Variants in NBN observed in about 807,000 individuals in gnomAD.
NBN encodes nibrin.
Under a neutral mutation model 90.8 loss-of-function variants are expected in NBN, and 88 were observed. The ratio of observed to expected loss-of-function variants is 0.97; its 90% confidence interval spans 0.82 to 1.16. NBN has a LOEUF of 1.16. Among genes scored for constraint, NBN ranks in the 50% most tolerant of loss-of-function variants. The pLI is 0.00. For missense variants in NBN, 894 were observed against 869.6 expected, an observed-to-expected ratio of 1.03 and a Z score of -0.35; for synonymous variants, 328 against 295.1, an observed-to-expected ratio of 1.11 and a Z score of -1.14.
chr8:89,958,691 T>G, intron 9 of NBN, 34 bp downstream of exon 9: 1 of 1,601,544 alleles, frequency 6.2e-7, no homozygotes, highest in Non-Finnish European at 8.6e-7. Flanking sequence ...ATTGATAGAA[T>G]AATAACAATA....
Position 89,970,556 on chromosome 8 carries a change from T to C in NBN, c.704A>G (p.His235Arg), listed in dbSNP as rs769519885. 2 of 1,613,006 alleles carry C rather than the reference T, an allele frequency of 1.2e-6. No individual in the cohort carries two copies. The highest frequency in any genetic ancestry group is 2.2e-5 in the East Asian group (1 of 44,850). ...GACAACTGCGGAACTCAATTTCTTA[T>C]GCTAAAAATGGAAGGAAACATTTTT... is the stretch of plus-strand genomic sequence containing the variant. ...KTFIFLNAKQ[H>R]KKLSSAVVFG... Residue 235 changes from histidine to arginine, a missense_variant and splice_region_variant, in exon 7 of 16, where the codon CAT becomes CGT. His to Arg is a conservative substitution (Grantham distance 29). Coordinates refer to ENST00000265433, the MANE Select transcript of NBN (RefSeq NM_002485.5).
intron 11 of NBN, among the ~76,000 whole-genome samples, chr8:89,950,316 A>T (rs1810390080): frequency 6.6e-6 from 1 of 152,230 alleles, no homozygotes. Context: ...ACCTAGGCAC[A>T]TCCTCTCATA....
At chr8:89,935,683 T>G in intron 15 of NBN, 71 bp from the exon 16 acceptor site, 2 of 1,572,168 alleles carry the variant, frequency 1.3e-6, no homozygotes, top group South Asian at 2.2e-5. Context: ...GTAAAGAACT[T>G]TCAAACTGTA....
chr8:89,944,266 G>A (rs1810088056), intron 13 of NBN, among the ~76,000 whole-genome samples: 1 of 152,138 alleles, frequency 6.6e-6, no homozygotes. Context: ...CTAACTGGAG[G>A]CAAAACTCCT....
intron 1 of NBN, among the ~76,000 whole-genome samples, chr8:89,983,460 G>T (rs754430607): frequency 2.0e-5 from 3 of 151,378 alleles, no homozygotes; most frequent in Non-Finnish European, 4.4e-5. Flanking sequence ...AGAAAAATGT[G>T]AATAATATAA....
At chr8:89,970,297 C>G (rs1052194423) in intron 7 of NBN, 67 bp downstream of exon 7, 1 of 1,362,042 alleles carries the variant, frequency 7.3e-7, no homozygotes, top group Non-Finnish European at 1.0e-6. Context: ...AGGTGAAAAG[C>G]AACAAAAAAG....
intron 8 of NBN, among the ~76,000 whole-genome samples, chr8:89,963,598 A>G (rs1563547014): frequency 6.6e-6 from 1 of 152,318 alleles, no homozygotes; most frequent in East Asian, 1.9e-4. Flanking sequence ...ATGTGTTTTA[A>G]CTAATAAAGG....
In NBN at chr8:89,934,197, A is replaced by C. The variant is rs1369331389; in HGVS notation, c.*1385T>G. 2 of 231,412 alleles carry C rather than the reference A, an allele frequency of 8.6e-6. No homozygotes were observed. The highest frequency in any genetic ancestry group is 1.7e-5 in the Non-Finnish European group (2 of 117,024). The allele number at this position is 231,412 out of a possible 1,614,324, so 14.3% of individuals were successfully genotyped here. A position where few individuals can be genotyped will look rare whatever the true frequency, so the allele number is the denominator to read the frequency against. On this transcript the variant is annotated 3_prime_UTR_variant, in exon 16 of 16. Coordinates refer to ENST00000265433, the MANE Select transcript of NBN (RefSeq NM_002485.5). The stretch of plus-strand genomic sequence containing the variant: ...ATGATACATGGCTATTAAGAGACTC[A>C]AATGACTCCATTTCATCAACTAATA...
intron 1 of NBN, among the ~76,000 whole-genome samples, chr8:89,983,700 AT>A (rs1812183025): frequency 6.6e-6 from 1 of 152,170 alleles, no homozygotes; most frequent in Non-Finnish European, 1.5e-5. Context: ...AACAGTATAT[AT>A]ATTGGAGACA....
intron 11 of NBN, among the ~76,000 whole-genome samples, chr8:89,950,367 A>G (rs1810391665): frequency 6.6e-6 from 1 of 152,190 alleles, no homozygotes; most frequent in Admixed American, 6.5e-5. Flanking sequence ...TACCTAATAC[A>G]ATGTAAGTGC....
Position 89,980,857 on chromosome 8 carries a change from A to G in NBN, c.357T>C (p.Cys119=), listed in dbSNP as rs2129910339. 1 of 1,612,556 alleles carries G rather than the reference A, an allele frequency of 6.2e-7. No individual in the cohort carries two copies. The highest frequency in any genetic ancestry group is 8.5e-7 in the Non-Finnish European group (1 of 1,178,918). ...AAGCAGTTTTCCCAGAGACATCTAA[A>G]CAAGAAGAGCATGCAACCAAAGGCT... ...EYEPLVACSS[C]LDVSGKTALN... Residue 119 remains cysteine, a synonymous_variant, in exon 4 of 16, where the codon TGT becomes TGC. Transcript: ENST00000265433.
intron 9 of NBN, 86 bp from the exon 10 acceptor site, chr8:89,955,641 C>A: frequency 7.3e-7 from 1 of 1,375,958 alleles, no homozygotes; most frequent in Non-Finnish European, 1.0e-6. Flanking sequence ...ATAGTTCTAA[C>A]GTAATATAAC....
rs1812243844 is a variant in NBN, at chr8:89,984,550, C to T, written c.12G>A (p.Leu4=). 1 of 1,613,182 alleles carries T rather than the reference C, an allele frequency of 6.2e-7. No individual in the cohort carries two copies. Among genetic ancestry groups the T allele is most frequent in the Non-Finnish European group, 8.5e-7 (1 of 1,179,780 alleles). Residue 4 remains leucine, a synonymous_variant, in exon 1 of 16, where the codon CTG becomes CTA. Coordinates refer to ENST00000265433, the MANE Select transcript of NBN (RefSeq NM_002485.5). ...CTCCTGCCGGGCCCGCGGCGGGCAG[C>T]AGTTTCCACATCGGTCCGGCTCCTC... MWK[L]LPAAGPAGGE...
chr8:89,952,260 A>G (rs1810477784), intron 11 of NBN, among the ~76,000 whole-genome samples: 1 of 152,204 alleles, frequency 6.6e-6, no homozygotes, highest in South Asian at 2.1e-4. Context: ...CAATGAGGGA[A>G]CTTATCCTGG....
intron 10 of NBN, among the ~76,000 whole-genome samples, chr8:89,954,260 C>T (rs924545383): frequency 6.6e-6 from 1 of 152,110 alleles, no homozygotes; most frequent in African/African-American, 2.4e-5. Flanking sequence ...CCATAGAGGA[C>T]ACAAAGACCT....
At chr8:89,955,652 C>T in intron 9 of NBN, 97 bp from the exon 10 acceptor site, 2 of 1,321,782 alleles carry the variant, frequency 1.5e-6, no homozygotes, top group South Asian at 2.7e-5. Context: ...GTAATATAAC[C>T]TTAGAAGATA....
chr8:89,945,871 T>G (rs1015032752), intron 13 of NBN, among the ~76,000 whole-genome samples: 1 of 152,138 alleles, frequency 6.6e-6, no homozygotes, highest in African/African-American at 2.4e-5. Flanking sequence ...CCTGTGATTA[T>G]CAACAAAAAC....
At chr8:89,972,412 T>A (rs114608503) in intron 5 of NBN, among the ~76,000 whole-genome samples, 55 of 152,358 alleles carry the variant, frequency 3.6e-4, no homozygotes, top group African/African-American at 7.9e-4. Flanking sequence ...AAGAGCAGAC[T>A]CACTTGGCAG....
At chr8:89,963,848 G>A (rs193142803) in intron 8 of NBN, among the ~76,000 whole-genome samples, 1 of 152,070 alleles carries the variant, frequency 6.6e-6, no homozygotes, top group Admixed American at 6.6e-5. Flanking sequence ...AAGGCATCAG[G>A]CTCTTTCACA....
Sources: allele counts gnomAD v4.1 joint callset (sites outside exome capture counted in the v4.1 genomes callset), GRCh38; gene constraint gnomAD v4.1.1; transcripts MANE v1.5; gene names NCBI Gene and HGNC (gene_info 2026-07-23, HGNC 2026-07-21).